The following GLIS3 variants were observed in gnomAD, a reference collection of about 807,000 sequenced individuals.
The protein encoded by GLIS3 is zinc finger protein GLIS3.
A neutral mutation model predicts 78.6 loss-of-function variants in GLIS3; 53 were observed. The ratio of observed to expected loss-of-function variants is 0.67; its 90% CI spans 0.54 to 0.85. The LOEUF is 0.85. GLIS3 is among the 40% of genes least tolerant of loss of function. The pLI is 0.00. For synonymous variants in GLIS3, 684 were observed against 509.9 expected (o/e 1.34, Z -4.60); for missense variants, 1,703 against 1,231.1 (o/e 1.38, Z -5.74).
At chr9:4,287,626 C>G (rs1260571903) in intron 1 of GLIS3, among the ~76,000 whole-genome samples, 1 of 152,200 alleles carries the variant, frequency 6.6e-6, no homozygotes, top group Non-Finnish European at 1.5e-5. Flanking sequence ...GAGTACAAAG[C>G]AGGAGTGACC....
chr9:4,409,861 G>A, the GLIS3 span, among the ~76,000 whole-genome samples: 3 of 152,170 alleles, frequency 2.0e-5, no homozygotes, highest in Non-Finnish European at 4.4e-5. Flanking sequence ...TTCAGACGTG[G>A]CTACCGGAAG....
At chr9:3,859,727 A>G (rs1427342099) in intron 8 of GLIS3, among the ~76,000 whole-genome samples, 2 of 152,210 alleles carry the variant, frequency 1.3e-5, no homozygotes, top group Non-Finnish European at 2.9e-5. Context: ...TTCACTGGAC[A>G]TGGCTTATTA....
chr9:3,829,184 GGTC>G (rs1817895888), intron 10 of GLIS3, 123 bp downstream of exon 10: 1 of 773,726 alleles, frequency 1.3e-6, no homozygotes, highest in Non-Finnish European at 2.3e-6. Context: ...CCATTTCAGG[GGTC>G]GTTCAACAGG....
At chr9:4,424,187 G>C in the GLIS3 span, among the ~76,000 whole-genome samples, 1 of 152,184 alleles carries the variant, frequency 6.6e-6, no homozygotes, top group Non-Finnish European at 1.5e-5. Flanking sequence ...CTATGAGGTA[G>C]CAGGAAGAAC....
intron 2 of GLIS3, among the ~76,000 whole-genome samples, chr9:4,168,979 T>G (rs1816128699): frequency 6.6e-6 from 1 of 152,250 alleles, no homozygotes; most frequent in Admixed American, 6.5e-5. Flanking sequence ...TTATAACTGA[T>G]GAGCTTTTTA....
chr9:4,386,765 A>T, the GLIS3 span, among the ~76,000 whole-genome samples: 1 of 152,186 alleles, frequency 6.6e-6, no homozygotes, highest in Non-Finnish European at 1.5e-5. Context: ...CCCAATGGAG[A>T]GGATATTCCT....
At chr9:4,215,525 T>G (rs1217707427) in intron 2 of GLIS3, among the ~76,000 whole-genome samples, 1 of 152,184 alleles carries the variant, frequency 6.6e-6, no homozygotes, top group Non-Finnish European at 1.5e-5. Context: ...AAGAAAAGAT[T>G]CCTGAATTTC....
intron 9 of GLIS3, among the ~76,000 whole-genome samples, chr9:3,834,659 AG>A (rs1818244352): frequency 6.6e-6 from 1 of 152,212 alleles, no homozygotes; most frequent in Admixed American, 6.5e-5. Flanking sequence ...GAATAATCTT[AG>A]GCTCCTGGCC....
chr9:4,486,589 G>T, the GLIS3 span, among the ~76,000 whole-genome samples: 1 of 152,186 alleles, frequency 6.6e-6, no homozygotes, highest in Non-Finnish European at 1.5e-5. Flanking sequence ...TCTCCCGTGT[G>T]TATACGTTCA....
chr9:4,082,816 A>C (rs1828672539), intron 4 of GLIS3, among the ~76,000 whole-genome samples: 1 of 152,170 alleles, frequency 6.6e-6, no homozygotes, highest in African/African-American at 2.4e-5. Flanking sequence ...TAGTTCTAAA[A>C]ATTGTTCATA....
intron 1 of GLIS3, among the ~76,000 whole-genome samples, chr9:4,288,331 C>A (rs543543177): frequency 3.6e-4 from 55 of 151,980 alleles, no homozygotes; most frequent in African/African-American, 1.3e-3. Flanking sequence ...CCACCCCCCG[C>A]CAAAAAAAGG....
intron 6 of GLIS3, among the ~76,000 whole-genome samples, chr9:3,911,140 C>T (rs1353452171): frequency 1.3e-5 from 2 of 151,964 alleles, no homozygotes; most frequent in Admixed American, 6.6e-5. Flanking sequence ...CTTCCTTCCT[C>T]CCTTCCTTCC....
the GLIS3 span, among the ~76,000 whole-genome samples, chr9:4,372,187 G>T: frequency 1.3e-5 from 2 of 152,186 alleles, no homozygotes; most frequent in African/African-American, 4.8e-5. Context: ...AAGAGAGAGT[G>T]CCAGTTTCAT....
chr9:4,001,521 TG>T (rs1301872237), intron 4 of GLIS3, among the ~76,000 whole-genome samples: 25 of 152,238 alleles, frequency 1.6e-4, no homozygotes, highest in African/African-American at 5.8e-4. Context: ...AAAATGTTAA[TG>T]AAAGTATTCC....
rs565486401 is a variant in GLIS3 at position 4,114,631 on chromosome 9, G to A, written c.1710+3137C>T. Among the ~76,000 whole-genome samples, 20 of 152,300 alleles carry A rather than the reference G, an allele frequency of 1.3e-4. No individual in the cohort carries two copies. In the East Asian group the frequency reaches 3.9e-3, roughly 29 times the overall value. The stretch of plus-strand genomic sequence containing the variant: ...CTATAGTTAATAGATAGCAGTGAAT[G>A]GAGTCGGGTATTTTAAAATGTAATA... On this transcript the variant is annotated intron_variant, in intron 4 of 10. Coordinates refer to ENST00000381971, the MANE Select transcript of GLIS3 (RefSeq NM_001042413.2).
chr9:4,420,540 G>C, the GLIS3 span, among the ~76,000 whole-genome samples: 1 of 152,114 alleles, frequency 6.6e-6, no homozygotes, highest in Non-Finnish European at 1.5e-5. Context: ...AAGGCAGGTG[G>C]GGAATACCAG....
At chr9:4,328,552 G>A (rs554400800) in intron 2 of GLIS3, among the ~76,000 whole-genome samples, 1 of 152,308 alleles carries the variant, frequency 6.6e-6, no homozygotes, top group South Asian at 2.1e-4. Flanking sequence ...AAATCTAGAG[G>A]GGCCAAGCCC....
chr9:4,336,869 G>C (rs1396669812), intron 2 of GLIS3, among the ~76,000 whole-genome samples: 1 of 152,138 alleles, frequency 6.6e-6, no homozygotes, highest in African/African-American at 2.4e-5. Context: ...AAAGTTATCT[G>C]TCAATTCTAC....
At chr9:4,241,199 A>T (rs1305963475) in intron 2 of GLIS3, among the ~76,000 whole-genome samples, 1 of 152,188 alleles carries the variant, frequency 6.6e-6, no homozygotes, top group East Asian at 1.9e-4. Flanking sequence ...GTGGTGGAGT[A>T]GACGTGAAAG....
Sources: gnomAD v4.1 joint callset for allele counts (sites outside exome capture counted in the v4.1 genomes callset) on GRCh38, gnomAD v4.1.1 for gene constraint, MANE v1.5 for transcripts, NCBI Gene and HGNC (gene_info 2026-07-23, HGNC 2026-07-21) for gene names.